FGF9: variants seen among roughly 807,000 people sequenced by gnomAD.
The protein encoded by FGF9 is fibroblast growth factor 9.
FGF9 carries 3 observed loss-of-function variants against 19.9 expected under a neutral mutation model. The observed-to-expected ratio is 0.15, with a 90% CI of 0.07 to 0.39. FGF9 has a LOEUF of 0.39. FGF9 is among the 10% of genes least tolerant of loss of function. The pLI is 1.00. For missense variants in FGF9, 175 were observed against 256.8 expected (o/e 0.68, Z 2.18); for synonymous variants, 107 against 106.9 (o/e 1.00, Z -0.01).
intron 1 of FGF9, among the ~76,000 whole-genome samples, chr13:21,679,055 G>C (rs1429635927): frequency 1.3e-5 from 2 of 152,130 alleles, no homozygotes; most frequent in Non-Finnish European, 2.9e-5. Flanking sequence ...TGGAAATATT[G>C]CCTTATTTAT....
At chr13:21,696,072 A>G (rs1393648488) in intron 2 of FGF9, among the ~76,000 whole-genome samples, 2 of 152,240 alleles carry the variant, frequency 1.3e-5, no homozygotes, top group Non-Finnish European at 2.9e-5. Flanking sequence ...GGGCATAGAT[A>G]CGAATTGAGC....
intron 2 of FGF9, 71 bp downstream of exon 2, chr13:21,681,216 T>A: frequency 8.6e-7 from 1 of 1,160,150 alleles, no homozygotes; most frequent in Non-Finnish European, 1.3e-6. Context: ...TTCTCTGGAT[T>A]AAAAAGGGCC....
chr13:21,677,869 C>A (rs1871951799), intron 1 of FGF9, among the ~76,000 whole-genome samples: 1 of 152,118 alleles, frequency 6.6e-6, no homozygotes, highest in Non-Finnish European at 1.5e-5. Context: ...GCTTGGATAG[C>A]TTTTTGGAGA....
chr13:21,701,042 G>T, intron 2 of FGF9, 148 bp from the exon 3 acceptor site: 2 of 611,124 alleles, frequency 3.3e-6, no homozygotes, highest in South Asian at 2.1e-5. Context: ...TTTTAGTTCT[G>T]GGGTACATGT....
rs1437444803 is a variant in FGF9, at chr13:21,702,910, C to T, written c.*1475C>T. On this transcript the variant is annotated 3_prime_UTR_variant, in exon 3 of 3. Coordinates refer to ENST00000382353, the MANE Select transcript of FGF9 (RefSeq NM_002010.3). ...TTTTAAAATGGTCTCCACAAGCGCT[C>T]AATTTTTTTAGAGGGGATATTACTA... is the stretch of plus-strand genomic sequence containing the variant. The T allele has an allele frequency of 1.3e-5, 2 of 152,252 alleles. No individual in the cohort carries two copies. The highest frequency in any genetic ancestry group is 1.9e-4 in the East Asian group (1 of 5,188). 9.4% of individuals were successfully genotyped at this position (152,252 alleles called of 1,614,324 possible).
rs1490528331 is a variant in FGF9, at chr13:21,701,524, A to G, written c.*89A>G. The G allele has an allele frequency of 3.8e-6, 6 of 1,577,218 alleles. No individual in the cohort carries two copies. Among genetic ancestry groups the G allele is most frequent in the Non-Finnish European group, 2.6e-6 (3 of 1,147,878 alleles). ...GTTCTTATTGATTCGCTGTGTCATCACATCAGCTCCACTGTTGCCAAACTT... is the reference window on the plus strand; with the variant it reads ...GTTCTTATTGATTCGCTGTGTCATCGCATCAGCTCCACTGTTGCCAAACTT... On this transcript the variant is annotated 3_prime_UTR_variant, in exon 3 of 3. Transcript: ENST00000382353.
intron 2 of FGF9, among the ~76,000 whole-genome samples, chr13:21,692,391 A>AT (rs1403718882): frequency 1.3e-5 from 2 of 151,098 alleles, no homozygotes; most frequent in Non-Finnish European, 2.9e-5. Flanking sequence ...TTTCAAGCTG[A>AT]TTTTCATTTT....
chr13:21,693,225 G>A (rs896735339), intron 2 of FGF9, among the ~76,000 whole-genome samples: 1 of 152,164 alleles, frequency 6.6e-6, no homozygotes, highest in African/African-American at 2.4e-5. Context: ...ATCAAAAGGT[G>A]GTGTCAGCAT....
At position 21,671,598 on chromosome 13, in the gene FGF9, G is replaced by A; in HGVS notation, c.-315G>A. 1 of 535,816 alleles carries A rather than the reference G, an allele frequency of 1.9e-6. No individual in the cohort carries two copies. The highest frequency in any genetic ancestry group is 1.9e-5 in the African/African-American group (1 of 52,864). 33.2% of individuals were successfully genotyped at this position (535,816 alleles called of 1,614,324 possible). On this transcript the variant is annotated 5_prime_UTR_variant, in exon 1 of 3. Transcript: ENST00000382353. ...TTTTTTCCTTATTACGGTCGGATGGGATGAAGACCTTCCTGCCTGCTAAGA... is the reference window on the plus strand; with the variant it reads ...TTTTTTCCTTATTACGGTCGGATGGAATGAAGACCTTCCTGCCTGCTAAGA...
chr13:21,695,599 T>C (rs1458257246), intron 2 of FGF9, among the ~76,000 whole-genome samples: 1 of 152,236 alleles, frequency 6.6e-6, no homozygotes, highest in Non-Finnish European at 1.5e-5. Flanking sequence ...CCTGGCTTCT[T>C]ATTAACGGTC....
At chr13:21,674,389 G>T (rs1337369825) in intron 1 of FGF9, among the ~76,000 whole-genome samples, 2 of 151,968 alleles carry the variant, frequency 1.3e-5, no homozygotes, top group African/African-American at 4.8e-5. Context: ...GCGGGCGGAG[G>T]GGGCGGCGTG....
intron 2 of FGF9, among the ~76,000 whole-genome samples, chr13:21,692,803 A>G (rs1416164746): frequency 3.9e-5 from 6 of 152,214 alleles, no homozygotes; most frequent in Admixed American, 2.0e-4. Flanking sequence ...AGATAAATAA[A>G]AAATTTCCTC....
chr13:21,672,312 A>C lies in FGF9; in HGVS notation c.277+123A>C, dbSNP rs1593088470. 2.8e-6 allele frequency: 3 copies of C among 1,081,658 alleles called. No homozygotes were observed. Among genetic ancestry groups the C allele is most frequent in the East Asian group, 4.8e-5 (2 of 41,536 alleles). 67.0% of individuals were successfully genotyped at this position (1,081,658 alleles called of 1,614,324 possible). On this transcript the variant is annotated intron_variant, in intron 1 of 2. Transcript: ENST00000382353. The surrounding 1 kb of genome is among the most constrained non-coding windows in gnomAD (Gnocchi z 4.2). The stretch of plus-strand genomic sequence containing the variant: ...CTCCCCTCCTCCCCTCTTTCTCTGT[A>C]TCTCTGTCTCTCTCTCTCTCTGTCT...
chr13:21,688,755 T>G (rs1350090665), intron 2 of FGF9, among the ~76,000 whole-genome samples: 2 of 149,912 alleles, frequency 1.3e-5, no homozygotes, highest in African/African-American at 5.0e-5. Flanking sequence ...TTGGAGGATT[T>G]TTTTTTTTTT....
intron 2 of FGF9, among the ~76,000 whole-genome samples, chr13:21,683,924 A>G (rs998804150): frequency 1.3e-5 from 2 of 152,294 alleles, no homozygotes; most frequent in Admixed American, 1.3e-4. Context: ...TGTGGCACCC[A>G]ATGCTTAGGA....
chr13:21,691,418 C>T lies in FGF9; in HGVS notation c.382-9772C>T, dbSNP rs1872287010. ...GGTGTTCTCAGTAGAGAAACCTTTT[C>T]AGCCAAGAAGGCAACTTTGCTGCAG... On this transcript the variant is annotated intron_variant, in intron 2 of 2. Coordinates refer to ENST00000382353, the MANE Select transcript of FGF9 (RefSeq NM_002010.3). The surrounding 1 kb of genome is among the most constrained non-coding windows in gnomAD (Gnocchi z 4.2). Among the ~76,000 whole-genome samples, 1 of 152,218 alleles carries T rather than the reference C, an allele frequency of 6.6e-6. No individual in the cohort carries two copies. Among genetic ancestry groups the T allele is most frequent in the African/African-American group, 2.4e-5 (1 of 41,454 alleles).
At position 21,691,140 on chromosome 13, in the gene FGF9, T is replaced by G. The variant is rs1486312002; in HGVS notation, c.381+9995T>G. ...GGAGACTTTATAGAACTTAACTACC[T>G]CAAATAAGGAGAATCAGCTGTACCT... is the stretch of plus-strand genomic sequence containing the variant. On this transcript the variant is annotated intron_variant, in intron 2 of 2. Coordinates refer to ENST00000382353, the MANE Select transcript of FGF9 (RefSeq NM_002010.3). This position sits in a 1 kb window ranked among gnomAD's most constrained non-coding sequence, Gnocchi z 4.2. 6.6e-6 allele frequency among the ~76,000 whole-genome samples: 1 copy of G among 152,172 alleles called. No homozygotes were observed. Among genetic ancestry groups the G allele is most frequent in the Non-Finnish European group, 1.5e-5 (1 of 68,026 alleles).
rs9552464 is a variant in FGF9, at chr13:21,676,207, A to T, written c.277+4018A>T. 6.6e-5 allele frequency among the ~76,000 whole-genome samples: 10 copies of T among 152,246 alleles called. No homozygotes were observed. In the East Asian group the frequency reaches 1.9e-3, roughly 29 times the overall value. On this transcript the variant is annotated intron_variant, in intron 1 of 2. Transcript: ENST00000382353. ...GCTATTTAACTTGTTTAGGAAACCTAAGTCTGTTCCCTTTTTGGCTGGGGT... is the reference window on the plus strand; with the variant it reads ...GCTATTTAACTTGTTTAGGAAACCTTAGTCTGTTCCCTTTTTGGCTGGGGT...
At chr13:21,674,826 C>CGGGAG (rs1871867859) in intron 1 of FGF9, among the ~76,000 whole-genome samples, 1 of 151,446 alleles carries the variant, frequency 6.6e-6, no homozygotes, top group African/African-American at 2.4e-5. Flanking sequence ...GGGGGCCACG[C>CGGGAG]GGGAGGGGAG....
Sources: gnomAD v4.1 joint callset for allele counts (sites outside exome capture counted in the v4.1 genomes callset) on GRCh38, gnomAD v4.1.1 for gene constraint, Gnocchi (gnomAD v3.1) non-coding constraint, MANE v1.5 for transcripts, NCBI Gene and HGNC (gene_info 2026-07-23, HGNC 2026-07-21) for gene names.